The following ERICH3 variants were observed in gnomAD, a reference collection of about 807,000 sequenced individuals.
ERICH3 encodes glutamate-rich protein 3.
In ERICH3, 126 loss-of-function variants were observed where a neutral mutation model predicts 131.1. That is an observed-to-expected ratio of 0.96 (90% CI 0.83 to 1.11). ERICH3 has a LOEUF of 1.11. Among genes scored for constraint, ERICH3 ranks in the 50% most tolerant of loss-of-function variants. ERICH3 has a pLI of 0.00. For synonymous variants in ERICH3, 695 were observed against 644.6 expected (o/e 1.08, Z -1.18); for missense variants, 2,050 against 1,810.7 (o/e 1.13, Z -2.40).
At chr1:74,660,633 CAT>C (rs1448036895) in intron 1 of ERICH3, among the ~76,000 whole-genome samples, 2 of 147,486 alleles carry the variant, frequency 1.4e-5, no homozygotes, top group African/African-American at 2.5e-5. Context: ...TATATATACA[CAT>C]GTGTATATAT....
rs773787515 is a variant in ERICH3, at chr1:74,571,335, T to G, written c.4375A>C (p.Thr1459Pro). The G allele has an allele frequency of 6.2e-7, 1 of 1,614,046 alleles. No individual in the cohort carries two copies. Among genetic ancestry groups the G allele is most frequent in the African/African-American group, 1.3e-5 (1 of 75,010 alleles). ...TCCTGCCTCCCATCGCCACTCCCAG[T>G]GGCTGCCTCCTGGCCCTCTGACCCT... ...EEGSEGQEAA[T>P]GSGDGRQETG... is the part of the protein sequence containing the mutation. The change falls in exon 14 of 15, where the codon ACT (threonine) becomes CCT (proline). Residue 1459 changes from threonine to proline, a missense_variant. By Grantham distance (38) the Thr-to-Pro change is conservative. Transcript: ENST00000326665.
At chr1:74,639,162 C>T (rs1308820750) in intron 5 of ERICH3, among the ~76,000 whole-genome samples, 1 of 152,088 alleles carries the variant, frequency 6.6e-6, no homozygotes, top group African/African-American at 2.4e-5. Flanking sequence ...AATCAGATCA[C>T]CCAAAAGAAT....
At chr1:74,583,416 C>G (rs946447131) in intron 12 of ERICH3, among the ~76,000 whole-genome samples, 2 of 151,968 alleles carry the variant, frequency 1.3e-5, no homozygotes, top group African/African-American at 4.8e-5. Context: ...ACAACAATAA[C>G]TAATAATAAA....
At chr1:74,592,446 A>C (rs183248133) in intron 11 of ERICH3, among the ~76,000 whole-genome samples, 1 of 152,144 alleles carries the variant, frequency 6.6e-6, no homozygotes, top group South Asian at 2.1e-4. Context: ...TTAGCAGTTT[A>C]ATCAATGGCT....
rs7541911 is a variant in ERICH3 at position 74,611,307 on chromosome 1, G to C, written c.1187+1316C>G. On this transcript the variant is annotated intron_variant, in intron 9 of 14. Coordinates refer to ENST00000326665, the MANE Select transcript of ERICH3 (RefSeq NM_001002912.5). Reference sequence around the variant, plus strand: ...TCCAGTTATTCAAGACAAAAATTTTGAATCGTCTTTGGCTCTGCTCTTTAT... The same window carrying C: ...TCCAGTTATTCAAGACAAAAATTTTCAATCGTCTTTGGCTCTGCTCTTTAT... Among the ~76,000 whole-genome samples, 1,369 of 152,120 alleles carry C rather than the reference G, an allele frequency of 9.0e-3. 20 individuals are homozygous for C. The highest frequency in any genetic ancestry group is 0.031 in the African/African-American group (1,289 of 41,498).
intron 12 of ERICH3, chr1:74,579,429 T>C (rs1175654650): frequency 2.0e-6 from 2 of 985,286 alleles, no homozygotes; most frequent in Non-Finnish European, 2.4e-6. Flanking sequence ...AAGCTTGTAG[T>C]CCCTCTGTCT....
Position 74,572,323 on chromosome 1 carries a change from T to C in ERICH3, c.3387A>G (p.Glu1129=), listed in dbSNP as rs1646967211. ...ACAACTCAGAAGCCTCCACAGGTGC[T>C]TCGTTCTCAGCATCAGATCCCATTT... The part of the protein sequence containing the change: ...PNEMGSDAEN[E]APVEASELSD... The change falls in exon 14 of 15, where the codon GAA becomes GAG. Residue 1129 remains glutamate, a synonymous_variant. Transcript: ENST00000326665. The C allele has an allele frequency of 6.2e-7, 1 of 1,613,942 alleles. No individual in the cohort carries two copies. Among genetic ancestry groups the C allele is most frequent in the African/African-American group, 1.3e-5 (1 of 75,018 alleles).
intron 1 of ERICH3, among the ~76,000 whole-genome samples, chr1:74,663,547 G>T (rs1233518585): frequency 6.6e-6 from 1 of 150,710 alleles, no homozygotes; most frequent in African/African-American, 2.4e-5. Flanking sequence ...GTCCATTGCT[G>T]CAGTTATGGT....
chr1:74,624,281 A>T (rs1649339271), intron 7 of ERICH3: 2 of 152,172 alleles, frequency 1.3e-5, no homozygotes, highest in South Asian at 4.1e-4. Flanking sequence ...CTTGATAAAG[A>T]TTGATACAAA....
At position 74,571,169 on chromosome 1, in the gene ERICH3, AC is replaced by A; in HGVS notation, c.4540del (p.Val1514CysfsTer27). On this transcript the variant is annotated frameshift_variant, in exon 14 of 15. Coordinates refer to ENST00000326665, the MANE Select transcript of ERICH3 (RefSeq NM_001002912.5). LOFTEE classifies it low-confidence loss of function (END_TRUNC). Reference protein sequence around the residue: ...TETREKQQHMVQGESETADVS... With the variant: ...TETREKQQHMXQGESETADVS... ...ATCTGCAGTCTCGCTTTCTCCTTGCACCATATGCTGTTGCTTCTCTCGGGTT... is the reference window on the plus strand; with the variant it reads ...ATCTGCAGTCTCGCTTTCTCCTTGCACATATGCTGTTGCTTCTCTCGGGTT... 6.2e-7 allele frequency: 1 copy of A among 1,614,046 alleles called. No individual in the cohort carries two copies. Among genetic ancestry groups the A allele is most frequent in the African/African-American group, 1.3e-5 (1 of 75,014 alleles).
At chr1:74,601,436 G>C (rs191456047) in intron 10 of ERICH3, among the ~76,000 whole-genome samples, 59 of 151,974 alleles carry the variant, frequency 3.9e-4, no homozygotes, top group Admixed American at 1.4e-3. Context: ...AAGAAATACT[G>C]TACTCACTTT....
Position 74,572,321 on chromosome 1 carries a change from G to T in ERICH3, c.3389C>A (p.Ala1130Glu). The T allele has an allele frequency of 3.1e-6, 5 of 1,613,886 alleles. No individual in the cohort carries two copies. The highest frequency in any genetic ancestry group is 4.2e-6 in the Non-Finnish European group (5 of 1,179,990). ...NEMGSDAENE[A>E]PVEASELSDN... ...AGACAACTCAGAAGCCTCCACAGGT[G>T]CTTCGTTCTCAGCATCAGATCCCAT... is the stretch of plus-strand genomic sequence containing the variant. Residue 1130 changes from alanine to glutamate, a missense_variant, in exon 14 of 15, where the codon GCA becomes GAA. Transcript: ENST00000326665.
At chr1:74,638,104 C>T (rs1157467516) in intron 5 of ERICH3, among the ~76,000 whole-genome samples, 1 of 151,970 alleles carries the variant, frequency 6.6e-6, no homozygotes, top group South Asian at 2.1e-4. Flanking sequence ...GAATGGTGAA[C>T]AACAAATATT....
chr1:74,664,857 G>A (rs751567598), intron 1 of ERICH3, among the ~76,000 whole-genome samples: 2 of 152,124 alleles, frequency 1.3e-5, no homozygotes, highest in East Asian at 1.9e-4. Flanking sequence ...TACCTGTAGA[G>A]ATCATTGATT....
intron 9 of ERICH3, among the ~76,000 whole-genome samples, chr1:74,611,703 C>T (rs1648704567): frequency 6.6e-6 from 1 of 152,130 alleles, no homozygotes; most frequent in Non-Finnish European, 1.5e-5. Context: ...TCTGTATATG[C>T]TTTTCCTCTA....
chr1:74,649,993 T>C (rs762295125), intron 1 of ERICH3, among the ~76,000 whole-genome samples: 4 of 152,154 alleles, frequency 2.6e-5, no homozygotes, highest in Non-Finnish European at 5.9e-5. Flanking sequence ...CTCTGCTAGA[T>C]TTGAAGGCCA....
intron 12 of ERICH3, among the ~76,000 whole-genome samples, chr1:74,581,303 T>C (rs1029732396): frequency 3.3e-5 from 5 of 152,188 alleles, no homozygotes; most frequent in Non-Finnish European, 7.3e-5. Flanking sequence ...GCCCATGTGT[T>C]AGGTTTTTCC....
At chr1:74,669,764 A>G (rs1033054992) in intron 1 of ERICH3, among the ~76,000 whole-genome samples, 2 of 152,178 alleles carry the variant, frequency 1.3e-5, no homozygotes, top group African/African-American at 4.8e-5. Flanking sequence ...GCCCTTTGCA[A>G]TTTTTACATC....
rs765398915 is a variant in ERICH3, at chr1:74,570,206, C to T, written c.*252G>A. The T allele has an allele frequency of 2.0e-5, 3 of 152,172 alleles. No homozygotes were observed. Among genetic ancestry groups the T allele is most frequent in the Non-Finnish European group, 4.4e-5 (3 of 68,040 alleles). The allele number at this position is 152,172 out of a possible 1,614,324, so 9.4% of individuals were successfully genotyped here. On this transcript the variant is annotated 3_prime_UTR_variant, in exon 15 of 15. Transcript: ENST00000326665. ...TTAGGTGTGTAGAATGTGTAACAGC[C>T]TCACAAGTTTCTCCATGAGGAACCA...
Sources: allele counts gnomAD v4.1 joint callset (sites outside exome capture counted in the v4.1 genomes callset), GRCh38; gene constraint gnomAD v4.1.1; transcripts MANE v1.5; gene names NCBI Gene and HGNC (gene_info 2026-07-23, HGNC 2026-07-21).